The following FAM193A variants were observed in gnomAD, a reference collection of about 807,000 sequenced individuals.
FAM193A encodes protein FAM193A.
FAM193A carries 22 observed loss-of-function variants against 126.5 expected under a neutral mutation model. That is an observed-to-expected ratio of 0.17 (90% CI 0.12 to 0.25). The LOEUF (loss-of-function observed/expected upper bound fraction) is 0.25, where lower values mean the gene tolerates loss of function less well. Among genes scored for constraint, FAM193A ranks in the 10% least tolerant of loss-of-function variants. FAM193A has a pLI of 1.00. For synonymous variants in FAM193A, 761 were observed against 646.8 expected (o/e 1.18, Z -2.68); for missense variants, 1,675 against 1,672.8 (o/e 1.00, Z -0.02).
chr4:2,544,630 G>A (rs531527238), intron 1 of FAM193A, among the ~76,000 whole-genome samples: 1 of 152,198 alleles, frequency 6.6e-6, no homozygotes, highest in East Asian at 1.9e-4. Flanking sequence ...CTTGAACCCA[G>A]GAGGCAGAGG....
At chr4:2,569,620 C>G (rs553135558) in intron 1 of FAM193A, among the ~76,000 whole-genome samples, 4 of 152,220 alleles carry the variant, frequency 2.6e-5, no homozygotes, top group African/African-American at 9.6e-5. Flanking sequence ...GCCTCTGCCT[C>G]CCGAGTAGCT....
intron 1 of FAM193A, among the ~76,000 whole-genome samples, chr4:2,537,701 T>A (rs1047851003): frequency 1.3e-5 from 2 of 152,222 alleles, no homozygotes; most frequent in Non-Finnish European, 2.9e-5. Flanking sequence ...CGCGTGATGA[T>A]TGAGAAGGGC....
chr4:2,682,449 C>G (rs1260572866), intron 13 of FAM193A, among the ~76,000 whole-genome samples: 1 of 152,174 alleles, frequency 6.6e-6, no homozygotes, highest in Non-Finnish European at 1.5e-5. Flanking sequence ...TAGGCACATG[C>G]CACCATGCTT....
chr4:2,688,508 G>C (rs1644909705), intron 13 of FAM193A, among the ~76,000 whole-genome samples: 1 of 152,088 alleles, frequency 6.6e-6, no homozygotes, highest in African/African-American at 2.4e-5. Flanking sequence ...AGGTGAATAG[G>C]CGTGTGCCGG....
intron 5 of FAM193A, among the ~76,000 whole-genome samples, chr4:2,635,296 G>A (rs946027603): frequency 6.6e-6 from 1 of 152,156 alleles, no homozygotes; most frequent in African/African-American, 2.4e-5. Flanking sequence ...ATTCTCAACA[G>A]TTTTGGACTT....
In FAM193A at chr4:2,710,568, C is replaced by T. The variant is rs1263579762; in HGVS notation, c.4373-5455C>T. 2.0e-5 allele frequency among the ~76,000 whole-genome samples: 3 copies of T among 151,984 alleles called. No homozygotes were observed. The East Asian group carries it at 5.8e-4, about 29-fold the overall frequency. On this transcript the variant is annotated intron_variant, in intron 19 of 20. Coordinates refer to ENST00000637812, the MANE Select transcript of FAM193A (RefSeq NM_001366318.2). Reference sequence around the variant, plus strand: ...CCAGGCTGGAGTGCAGTGGCACACTCACAGCTCACTGCAACCTCAACTTCC... The same window carrying T: ...CCAGGCTGGAGTGCAGTGGCACACTTACAGCTCACTGCAACCTCAACTTCC...
In FAM193A at chr4:2,542,886, G is replaced by A. The variant is rs145826701; in HGVS notation, c.255+5716G>A. ...TATACCCAGGACCACCTTCATCGAG[G>A]TGGCTGCTGAGCCAAAGAGGGTGTT... On this transcript the variant is annotated intron_variant, in intron 1 of 20. Transcript: ENST00000637812. 9.5e-3 allele frequency among the ~76,000 whole-genome samples: 1,442 copies of A among 152,274 alleles called. 10 individuals are homozygous for A. The highest frequency in any genetic ancestry group is 0.014 in the Non-Finnish European group (934 of 68,028).
intron 13 of FAM193A, among the ~76,000 whole-genome samples, chr4:2,677,759 G>T (rs1210370250): frequency 6.9e-6 from 1 of 144,626 alleles, no homozygotes; most frequent in Admixed American, 6.7e-5. Flanking sequence ...AAAAAAAAAA[G>T]ATTGTTTGGG....
At position 2,662,100 on chromosome 4, in the gene FAM193A, G is replaced by A. The variant is rs112064131; in HGVS notation, c.1746-738G>A. Among the ~76,000 whole-genome samples the A allele has an allele frequency of 1.7e-4, 26 of 152,206 alleles. 1 individual carries two copies. Among genetic ancestry groups the A allele is most frequent in the African/African-American group, 5.8e-4 (24 of 41,526 alleles). On this transcript the variant is annotated intron_variant, in intron 10 of 20. Coordinates refer to ENST00000637812, the MANE Select transcript of FAM193A (RefSeq NM_001366318.2). Reference sequence around the variant, plus strand: ...CGGGAGGCTGAGGCAGGGGAATGGCGTGAACCTGGGGGGTGGAGCTTGCAG... The same window carrying A: ...CGGGAGGCTGAGGCAGGGGAATGGCATGAACCTGGGGGGTGGAGCTTGCAG...
chr4:2,624,707 T>TTTA (rs1367859840), intron 2 of FAM193A, among the ~76,000 whole-genome samples: 2 of 152,208 alleles, frequency 1.3e-5, no homozygotes, highest in Non-Finnish European at 2.9e-5. Context: ...TTTTTAAACT[T>TTTA]TTTAAAAAAA....
At chr4:2,663,409 A>G (rs1577162485) in intron 12 of FAM193A, 121 bp downstream of exon 12, 1 of 740,328 alleles carries the variant, frequency 1.4e-6, no homozygotes, top group Non-Finnish European at 2.1e-6. Flanking sequence ...TTAGAACTGA[A>G]GAGAGTCAAG....
intron 7 of FAM193A, among the ~76,000 whole-genome samples, chr4:2,648,570 T>A (rs1365280581): frequency 6.6e-6 from 1 of 152,262 alleles, no homozygotes. Flanking sequence ...GAGCAGGGTC[T>A]GGATGCCAGG....
In FAM193A at chr4:2,691,562, G is replaced by A. The variant is rs577961695; in HGVS notation, c.2803+592G>A. ...TACAGCCCCTGGCTGTCACTTAGGG[G>A]GCCCAAAAGCAATAATGTGATCAGA... On this transcript the variant is annotated intron_variant, in intron 15 of 20. Coordinates refer to ENST00000637812, the MANE Select transcript of FAM193A (RefSeq NM_001366318.2). Among the ~76,000 whole-genome samples, 53 of 152,190 alleles carry A rather than the reference G, an allele frequency of 3.5e-4. 1 individual carries two copies. The South Asian group carries it at 7.7e-3, about 22-fold the overall frequency.
intron 19 of FAM193A, chr4:2,708,212 G>A (rs756838364): frequency 1.6e-5 from 7 of 443,576 alleles, no homozygotes; most frequent in Middle Eastern, 7.1e-4. Context: ...TGCAACCTTC[G>A]CCTCCCAGGT....
chr4:2,712,212 G>A (rs536053203), intron 19 of FAM193A, among the ~76,000 whole-genome samples: 1 of 152,134 alleles, frequency 6.6e-6, no homozygotes, highest in South Asian at 2.1e-4. Context: ...ATATATGTAC[G>A]TATGTATTTA....
intron 12 of FAM193A, among the ~76,000 whole-genome samples, chr4:2,669,671 A>G (rs1018629689): frequency 1.1e-4 from 16 of 152,230 alleles, no homozygotes; most frequent in Non-Finnish European, 2.4e-4. Flanking sequence ...GACTCACAGC[A>G]AAGTTGAGTG....
intron 6 of FAM193A, among the ~76,000 whole-genome samples, chr4:2,646,474 G>A (rs937279703): frequency 6.6e-5 from 10 of 152,106 alleles, no homozygotes; most frequent in African/African-American, 1.7e-4. Flanking sequence ...GCCCAGCTGA[G>A]CATCTCCTTT....
intron 2 of FAM193A, chr4:2,608,235 G>T: frequency 1.1e-6 from 1 of 937,516 alleles, no homozygotes; most frequent in Non-Finnish European, 1.6e-6. Flanking sequence ...ATGGAGTGCA[G>T]TGGTGCAATC....
chr4:2,730,683 C>G (rs1721273934), intron 20 of FAM193A, among the ~76,000 whole-genome samples: 1 of 147,916 alleles, frequency 6.8e-6, no homozygotes, highest in Non-Finnish European at 1.5e-5. Flanking sequence ...GAGCAAGACT[C>G]CGTGTCAAGA....
Sources: allele counts gnomAD v4.1 joint callset (sites outside exome capture counted in the v4.1 genomes callset), GRCh38; gene constraint gnomAD v4.1.1; transcripts MANE v1.5; gene names NCBI Gene and HGNC (gene_info 2026-07-23, HGNC 2026-07-21).